The following CDH12 variants were observed in gnomAD, a reference collection of about 807,000 sequenced individuals.
CDH12 encodes the protein cadherin-12.
A neutral mutation model predicts 74.1 loss-of-function variants in CDH12; 41 were observed. The ratio of observed to expected loss-of-function variants is 0.55; its 90% confidence interval spans 0.43 to 0.72. CDH12 has a LOEUF of 0.72. CDH12 is among the 30% of genes least tolerant of loss of function. The pLI is 0.00. For missense variants in CDH12, 945 were observed against 977.2 expected (o/e 0.97, Z 0.44); for synonymous variants, 399 against 355.0 (o/e 1.12, Z -1.39).
chr5:22,191,156 T>C (rs1283979350), intron 4 of CDH12, among the ~76,000 whole-genome samples: 1 of 152,062 alleles, frequency 6.6e-6, no homozygotes, highest in Non-Finnish European at 1.5e-5. Flanking sequence ...ACATGGACGC[T>C]TCCCTTTGCC....
intron 4 of CDH12, among the ~76,000 whole-genome samples, chr5:22,211,607 T>G (rs1294720795): frequency 6.6e-6 from 1 of 151,890 alleles, no homozygotes; most frequent in Admixed American, 6.6e-5. Flanking sequence ...TTACAATACC[T>G]TTCTAGATAT....
chr5:22,312,652 C>T (rs1738443061), intron 3 of CDH12, among the ~76,000 whole-genome samples: 1 of 152,110 alleles, frequency 6.6e-6, no homozygotes, highest in African/African-American at 2.4e-5. Flanking sequence ...AAAAAAGTTG[C>T]TATTTGTTTC....
intron 3 of CDH12, among the ~76,000 whole-genome samples, chr5:22,220,518 T>C (rs547686937): frequency 1.3e-5 from 2 of 151,766 alleles, no homozygotes; most frequent in East Asian, 3.9e-4. Context: ...GAAACTAAAT[T>C]TTTTTTTCTT....
At chr5:21,789,817 A>G (rs16888389) in intron 10 of CDH12, among the ~76,000 whole-genome samples, 10,050 of 152,104 alleles carry the variant, frequency 0.066, 523 homozygotes, top group East Asian at 0.15. Context: ...TGATTATCCT[A>G]CTTACCCAAA....
chr5:22,489,581 A>G (rs1221237576), intron 2 of CDH12, among the ~76,000 whole-genome samples: 1 of 152,110 alleles, frequency 6.6e-6, no homozygotes, highest in African/African-American at 2.4e-5. Context: ...TTAAGTTTTA[A>G]TTGGATATTA....
intron 3 of CDH12, among the ~76,000 whole-genome samples, chr5:22,229,364 A>AG (rs68077564): frequency 0.33 from 49,971 of 150,108 alleles, 9,961 homozygotes; most frequent in Admixed American, 0.46. Flanking sequence ...CTTTTACAAA[A>AG]AAAAAATGAC....
At chr5:22,602,938 C>T (rs1736920043) in intron 1 of CDH12, among the ~76,000 whole-genome samples, 1 of 152,098 alleles carries the variant, frequency 6.6e-6, no homozygotes, top group African/African-American at 2.4e-5. Flanking sequence ...AGATAATTGA[C>T]TCTGAGTCTT....
chr5:22,170,689 A>G (rs949752628), intron 4 of CDH12, among the ~76,000 whole-genome samples: 1 of 151,726 alleles, frequency 6.6e-6, no homozygotes, highest in Admixed American at 6.6e-5. Flanking sequence ...TTCTATGTCA[A>G]AGTAATATGT....
chr5:22,665,701 C>T (rs1740579458), intron 1 of CDH12, among the ~76,000 whole-genome samples: 1 of 152,158 alleles, frequency 6.6e-6, no homozygotes, highest in South Asian at 2.1e-4. Flanking sequence ...ATTCAAATTC[C>T]TGAATTTCAT....
intron 1 of CDH12, among the ~76,000 whole-genome samples, chr5:22,544,414 T>C (rs1173643682): frequency 6.6e-6 from 1 of 152,152 alleles, no homozygotes; most frequent in Admixed American, 6.6e-5. Flanking sequence ...TATAGCAAAA[T>C]CAGGTCTTTT....
At chr5:22,146,125 A>G (rs1747160471) in intron 4 of CDH12, among the ~76,000 whole-genome samples, 1 of 152,178 alleles carries the variant, frequency 6.6e-6, no homozygotes, top group Non-Finnish European at 1.5e-5. Flanking sequence ...ATTCTAATCA[A>G]TATTAGTTAA....
chr5:22,649,906 T>C (rs1739643925), intron 1 of CDH12, among the ~76,000 whole-genome samples: 1 of 151,946 alleles, frequency 6.6e-6, no homozygotes, highest in Non-Finnish European at 1.5e-5. Flanking sequence ...TACATATATA[T>C]ATAAAATTAT....
chr5:22,300,913 G>A (rs188972542), intron 3 of CDH12, among the ~76,000 whole-genome samples: 109 of 152,254 alleles, frequency 7.2e-4, no homozygotes, highest in Middle Eastern at 3.4e-3. Flanking sequence ...AAATACGAAT[G>A]CATTCAATTA....
intron 6 of CDH12, chr5:21,884,204 G>C: frequency 6.3e-7 from 1 of 1,583,484 alleles, no homozygotes; most frequent in Admixed American, 1.7e-5. Flanking sequence ...TGGCCTCTCT[G>C]TTAACTACAG....
intron 3 of CDH12, among the ~76,000 whole-genome samples, chr5:22,348,884 T>C (rs1051890749): frequency 1.3e-5 from 2 of 152,300 alleles, no homozygotes; most frequent in Admixed American, 1.3e-4. Context: ...GCAAAGAGCC[T>C]GGCATATAGA....
intron 1 of CDH12, among the ~76,000 whole-genome samples, chr5:22,743,900 C>T (rs916974288): frequency 1.3e-5 from 2 of 151,830 alleles, no homozygotes; most frequent in African/African-American, 4.8e-5. Context: ...TGATATGTCA[C>T]ATTCAGTAGT....
intron 11 of CDH12, among the ~76,000 whole-genome samples, chr5:21,776,035 G>C (rs1165028504): frequency 6.6e-6 from 1 of 152,114 alleles, no homozygotes. Context: ...GAGAATGTGG[G>C]AAAAGAGGAG....
At chr5:22,831,752 GC>G (rs1391840854) in intron 1 of CDH12, among the ~76,000 whole-genome samples, 1 of 151,892 alleles carries the variant, frequency 6.6e-6, no homozygotes, top group African/African-American at 2.4e-5. Flanking sequence ...AAAAAAATTA[GC>G]TGGGCGCGGT....
intron 6 of CDH12, among the ~76,000 whole-genome samples, chr5:21,876,362 T>C (rs1463336205): frequency 6.6e-6 from 1 of 152,192 alleles, no homozygotes; most frequent in African/African-American, 2.4e-5. Context: ...TGATTTTGTC[T>C]CTCACTCTAC....
Sources: gnomAD v4.1 joint callset for allele counts (sites outside exome capture counted in the v4.1 genomes callset) on GRCh38, gnomAD v4.1.1 for gene constraint, MANE v1.5 for transcripts, NCBI Gene and HGNC (gene_info 2026-07-23, HGNC 2026-07-21) for gene names.